The following RIMS1 variants were observed in gnomAD, a reference collection of about 807,000 sequenced individuals.
RIMS1 encodes regulating synaptic membrane exocytosis protein 1.
A neutral mutation model predicts 214.1 loss-of-function variants in RIMS1; 83 were observed. The ratio of observed to expected loss-of-function variants is 0.39; its 90% CI spans 0.32 to 0.47. The LOEUF is 0.47. Among genes scored for constraint, RIMS1 ranks in the 20% least tolerant of loss-of-function variants. The pLI is 0.99. For missense variants in RIMS1, 2,050 were observed against 2,161.8 expected (o/e 0.95, Z 1.03); for synonymous variants, 793 against 786.8 (o/e 1.01, Z -0.13).
intron 29 of RIMS1, among the ~76,000 whole-genome samples, chr6:72,337,373 T>C (rs1416554186): frequency 1.3e-5 from 2 of 151,814 alleles, no homozygotes; most frequent in African/African-American, 4.8e-5. Flanking sequence ...CAAAGTCATT[T>C]CTAAATACAC....
chr6:72,114,240 T>C (rs2036640281), intron 4 of RIMS1, among the ~76,000 whole-genome samples: 1 of 152,056 alleles, frequency 6.6e-6, no homozygotes, highest in African/African-American at 2.4e-5. Context: ...ATTTGTGTAT[T>C]ATTTTAAATG....
chr6:71,968,621 T>G (rs1795057855), intron 1 of RIMS1, among the ~76,000 whole-genome samples: 1 of 152,200 alleles, frequency 6.6e-6, no homozygotes, highest in African/African-American at 2.4e-5. Flanking sequence ...TGCTCAAAAT[T>G]TAACATATCA....
Position 72,003,630 on chromosome 6 carries a change from C to G in RIMS1, c.245+34567C>G, listed in dbSNP as rs934473319. Among the ~76,000 whole-genome samples, 7 of 150,838 alleles carry G rather than the reference C, an allele frequency of 4.6e-5. No individual in the cohort carries two copies. The South Asian group carries it at 6.3e-4, about 14-fold the overall frequency. On this transcript the variant is annotated intron_variant, in intron 2 of 33. Transcript: ENST00000521978. The stretch of plus-strand genomic sequence containing the variant: ...TGTGTCTGTGTGTGTGTGTGTGTGT[C>G]TGTGTGTCTGTGTGTGTGATAAGAA...
At chr6:72,303,617 A>T (rs1442530595) in intron 26 of RIMS1, among the ~76,000 whole-genome samples, 1 of 151,470 alleles carries the variant, frequency 6.6e-6, no homozygotes, top group Non-Finnish European at 1.5e-5. Flanking sequence ...TCTTAAAAAT[A>T]AGTTCCAGTT....
intron 4 of RIMS1, among the ~76,000 whole-genome samples, chr6:72,166,840 A>AT (rs1000170442): frequency 6.6e-6 from 1 of 151,860 alleles, no homozygotes; most frequent in African/African-American, 2.4e-5. Flanking sequence ...TGTTTTGTAG[A>AT]TTTTTTTTGG....
At chr6:72,351,406 T>C (rs2097441990) in intron 29 of RIMS1, among the ~76,000 whole-genome samples, 1 of 152,186 alleles carries the variant, frequency 6.6e-6, no homozygotes, top group Non-Finnish European at 1.5e-5. Context: ...GCCTAATAAT[T>C]ACTAATAAGA....
intron 2 of RIMS1, among the ~76,000 whole-genome samples, chr6:72,035,074 A>C (rs1299355342): frequency 6.6e-6 from 1 of 152,122 alleles, no homozygotes; most frequent in Admixed American, 6.6e-5. Flanking sequence ...CCAGCTTGCT[A>C]TGTTACTCTG....
chr6:71,988,010 A>G (rs1800531584), intron 2 of RIMS1, among the ~76,000 whole-genome samples: 2 of 151,978 alleles, frequency 1.3e-5, no homozygotes, highest in African/African-American at 4.8e-5. Context: ...CAAAGTCCAT[A>G]TGGTCTGGAA....
At chr6:72,010,791 A>G (rs111241768) in intron 2 of RIMS1, among the ~76,000 whole-genome samples, 17,433 of 152,198 alleles carry the variant, frequency 0.11, 1,186 homozygotes, top group South Asian at 0.17. Flanking sequence ...GGACCTCTTC[A>G]AGGAGAACTA....
intron 23 of RIMS1, among the ~76,000 whole-genome samples, chr6:72,275,242 T>C (rs548837324): frequency 2.8e-4 from 41 of 148,608 alleles, no homozygotes; most frequent in Admixed American, 2.5e-3. Context: ...TTTGAGATGC[T>C]TCTCTTCTGG....
At chr6:72,203,732 G>A (rs78260591) in intron 6 of RIMS1, among the ~76,000 whole-genome samples, 2,977 of 152,322 alleles carry the variant, frequency 0.02, 44 homozygotes, top group Non-Finnish European at 0.03. Context: ...TTATTTTAAT[G>A]TGTAGTTGAA....
chr6:72,283,575 A>G (rs2091177725), intron 23 of RIMS1, among the ~76,000 whole-genome samples: 1 of 152,066 alleles, frequency 6.6e-6, no homozygotes, highest in African/African-American at 2.4e-5. Flanking sequence ...TTTTCTTCAC[A>G]ATTTGTGGGG....
chr6:72,259,162 A>G, intron 18 of RIMS1, 51 bp downstream of exon 18: 7 of 1,519,178 alleles, frequency 4.6e-6, no homozygotes, highest in Non-Finnish European at 6.3e-6. Flanking sequence ...GTTCTGTTTT[A>G]ATATATACAG....
chr6:72,031,590 T>A (rs977688188), intron 2 of RIMS1, among the ~76,000 whole-genome samples: 3 of 152,044 alleles, frequency 2.0e-5, no homozygotes, highest in Admixed American at 6.6e-5. Flanking sequence ...TAGGAAAAAA[T>A]TTCATATGAG....
At chr6:72,363,340 A>C (rs978568800) in intron 29 of RIMS1, among the ~76,000 whole-genome samples, 1 of 152,240 alleles carries the variant, frequency 6.6e-6, no homozygotes, top group African/African-American at 2.4e-5. Context: ...GGCCAGCTCC[A>C]GTAAGGCTTT....
chr6:72,079,849 A>G (rs561558031), intron 2 of RIMS1, among the ~76,000 whole-genome samples: 1 of 151,954 alleles, frequency 6.6e-6, no homozygotes, highest in Non-Finnish European at 1.5e-5. Flanking sequence ...GTGTCACTGC[A>G]CTCCAGCCTG....
chr6:72,284,914 A>G lies in RIMS1; in HGVS notation c.3554+796A>G, dbSNP rs568597719. ...AAATTAGGAAATGCTTCATAAACAG[A>G]TGTCCCTTGAGCTAAATCCAGATAC... On this transcript the variant is annotated intron_variant, in intron 24 of 33. Transcript: ENST00000521978. Among the ~76,000 whole-genome samples, 9 of 152,310 alleles carry G rather than the reference A, an allele frequency of 5.9e-5. 1 individual carries two copies. The South Asian group carries it at 1.9e-3, about 32-fold the overall frequency.
At chr6:71,944,496 T>G (rs1185292808) in intron 1 of RIMS1, among the ~76,000 whole-genome samples, 2 of 152,018 alleles carry the variant, frequency 1.3e-5, no homozygotes, top group African/African-American at 2.4e-5. Context: ...GAAGGCTATG[T>G]TGAGGAAGAT....
At chr6:72,139,048 A>G (rs1249180385) in intron 4 of RIMS1, among the ~76,000 whole-genome samples, 1 of 152,224 alleles carries the variant, frequency 6.6e-6, no homozygotes, top group Non-Finnish European at 1.5e-5. Context: ...ATAACTGTTT[A>G]TATGTATATA....
Sources: gnomAD v4.1 joint callset for allele counts (sites outside exome capture counted in the v4.1 genomes callset) on GRCh38, gnomAD v4.1.1 for gene constraint, MANE v1.5 for transcripts, NCBI Gene and HGNC (gene_info 2026-07-23, HGNC 2026-07-21) for gene names.